Variants in B3GLCT observed in about 807,000 individuals in gnomAD.
The protein encoded by B3GLCT is beta-1,3-glucosyltransferase.
A neutral mutation model predicts 63.4 loss-of-function variants in B3GLCT; 65 were observed. The observed-to-expected ratio is 1.03, with a 90% CI of 0.84 to 1.26. The LOEUF is 1.26. Ranked by LOEUF, B3GLCT falls within the 50% of genes most tolerant of loss-of-function variation. B3GLCT has a pLI of 0.00. For synonymous variants in B3GLCT, 233 were observed against 219.2 expected (o/e 1.06, Z -0.55); for missense variants, 577 against 604.8 (o/e 0.95, Z 0.48).
At chr13:31,223,264 G>A (rs1328530667) in intron 3 of B3GLCT, among the ~76,000 whole-genome samples, 2 of 152,184 alleles carry the variant, frequency 1.3e-5, no homozygotes, top group South Asian at 2.1e-4. Flanking sequence ...CTTCCAGTAA[G>A]GATAAAGCAC....
At chr13:31,311,900 A>G (rs1310746982) in intron 12 of B3GLCT, among the ~76,000 whole-genome samples, 1 of 152,242 alleles carries the variant, frequency 6.6e-6, no homozygotes, top group East Asian at 1.9e-4. Context: ...CTTAATATAT[A>G]ATTTTATAGA....
Position 31,274,320 on chromosome 13 carries a change from T to A in B3GLCT, c.661-189T>A, listed in dbSNP as rs150447744. 5.7e-4 allele frequency among the ~76,000 whole-genome samples: 87 copies of A among 152,348 alleles called. 2 individuals carry two copies. In the East Asian group the frequency reaches 0.012, roughly 20 times the overall value. On this transcript the variant is annotated intron_variant, in intron 8 of 14. Coordinates refer to ENST00000343307, the MANE Select transcript of B3GLCT (RefSeq NM_194318.4). ...TTAATTGCTTATTGTTAGTAATAGA[T>A]TACATTTATTCACATGGAATTGTCA... is the stretch of plus-strand genomic sequence containing the variant.
intron 4 of B3GLCT, 72 bp from the exon 5 acceptor site, chr13:31,246,951 C>CTTTTTTTTTTTTTTTTTTTTTTTTT (rs66466340): frequency 3.8e-6 from 3 of 779,668 alleles, no homozygotes; most frequent in African/African-American, 2.0e-5. Context: ...CTTTTCTTTT[C>CTTTTTTTTTTTTTTTTTTTTTTTTT]TTTTTTTTTT....
chr13:31,277,528 T>C (rs1872856317), intron 10 of B3GLCT, among the ~76,000 whole-genome samples: 1 of 152,260 alleles, frequency 6.6e-6, no homozygotes, highest in African/African-American at 2.4e-5. Context: ...TTAATTTTTT[T>C]CCCCATGAAA....
chr13:31,322,227 C>T (rs993358066), intron 13 of B3GLCT, among the ~76,000 whole-genome samples: 10 of 152,230 alleles, frequency 6.6e-5, no homozygotes, highest in African/African-American at 1.4e-4. Flanking sequence ...GCAATGTCCT[C>T]GGAAGAGGCC....
At chr13:31,281,193 G>A (rs565087011) in intron 10 of B3GLCT, among the ~76,000 whole-genome samples, 1 of 152,214 alleles carries the variant, frequency 6.6e-6, no homozygotes, top group South Asian at 2.1e-4. Flanking sequence ...TAATTAAAGA[G>A]GTTAAATTGC....
chr13:31,270,286 A>G (rs1872525586), intron 8 of B3GLCT, among the ~76,000 whole-genome samples: 1 of 152,252 alleles, frequency 6.6e-6, no homozygotes, highest in South Asian at 2.1e-4. Context: ...TCAGTCCAGC[A>G]GTGCTGATGG....
intron 2 of B3GLCT, 79 bp from the exon 3 acceptor site, chr13:31,222,873 A>G (rs928146403): frequency 1.1e-6 from 1 of 939,060 alleles, no homozygotes; most frequent in African/African-American, 1.6e-5. Context: ...CATACCATGC[A>G]CCATGCATGT....
intron 12 of B3GLCT, among the ~76,000 whole-genome samples, chr13:31,292,856 G>A (rs950398297): frequency 2.0e-5 from 3 of 151,932 alleles, no homozygotes; most frequent in African/African-American, 7.3e-5. Flanking sequence ...GCTAGCTTTT[G>A]ACTTTGTCTG....
chr13:31,313,082 C>T (rs1874806240), intron 12 of B3GLCT, among the ~76,000 whole-genome samples: 1 of 152,194 alleles, frequency 6.6e-6, no homozygotes, highest in South Asian at 2.1e-4. Flanking sequence ...AGTTTCTTTT[C>T]ATATATTAAA....
intron 4 of B3GLCT, among the ~76,000 whole-genome samples, chr13:31,236,549 C>T (rs1425255108): frequency 6.6e-6 from 1 of 152,104 alleles, no homozygotes; most frequent in African/African-American, 2.4e-5. Context: ...TTTAATTATA[C>T]GAAGGTCGGT....
intron 12 of B3GLCT, chr13:31,312,749 G>A (rs971544378): frequency 6.6e-6 from 1 of 152,148 alleles, no homozygotes; most frequent in African/African-American, 2.4e-5. Flanking sequence ...ATAAAACTGA[G>A]TTGGAAAAAT....
intron 2 of B3GLCT, 44 bp downstream of exon 2, chr13:31,215,144 C>A (rs369296164): frequency 2.7e-5 from 41 of 1,535,936 alleles, no homozygotes; most frequent in Non-Finnish European, 3.7e-5. Context: ...TTCTAAGATT[C>A]ATTTGTATTT....
At position 31,308,367 on chromosome 13, in the gene B3GLCT, A is replaced by AAACAAAAC. The variant is rs1874517475; in HGVS notation, c.1065-9197_1065-9196insCAAAACAA. 3.4e-5 allele frequency among the ~76,000 whole-genome samples: 5 copies of AAACAAAAC among 146,438 alleles called. No individual in the cohort carries two copies. In the South Asian group the frequency reaches 1.1e-3, roughly 33 times the overall value. ...AAAATTAAAAAAAAAAAAACAAAAAAAAAAGCTAGTCCCACATGGCTTACA... is the reference window on the plus strand; with the variant it reads ...AAAATTAAAAAAAAAAAAACAAAAAAAACAAAACAAAAGCTAGTCCCACATGGCTTACA... On this transcript the variant is annotated intron_variant, in intron 12 of 14. Transcript: ENST00000343307.
intron 7 of B3GLCT, among the ~76,000 whole-genome samples, chr13:31,265,434 G>A (rs1328934471): frequency 1.3e-5 from 2 of 152,060 alleles, no homozygotes; most frequent in Non-Finnish European, 2.9e-5. Context: ...TTGACTTTAC[G>A]GCCCACATTG....
chr13:31,211,053 C>T (rs960730052), intron 1 of B3GLCT, among the ~76,000 whole-genome samples: 8 of 152,110 alleles, frequency 5.3e-5, no homozygotes, highest in Admixed American at 2.0e-4. Context: ...ACGTTTGGTT[C>T]CTTGATGATT....
chr13:31,241,497 T>G (rs1870941775), intron 4 of B3GLCT, among the ~76,000 whole-genome samples: 1 of 152,090 alleles, frequency 6.6e-6, no homozygotes, highest in Non-Finnish European at 1.5e-5. Flanking sequence ...TGTAGGTCAC[T>G]GTAGACTGTG....
Position 31,250,222 on chromosome 13 carries a change from G to A in B3GLCT, c.459+2256G>A, listed in dbSNP as rs544208409. Among the ~76,000 whole-genome samples, 21 of 152,148 alleles carry A rather than the reference G, an allele frequency of 1.4e-4. No homozygotes were observed. The South Asian group carries it at 3.5e-3, about 26-fold the overall frequency. On this transcript the variant is annotated intron_variant, in intron 6 of 14. Coordinates refer to ENST00000343307, the MANE Select transcript of B3GLCT (RefSeq NM_194318.4). The stretch of plus-strand genomic sequence containing the variant: ...AGAGTCTCGTTCTGTCACCCAGGCC[G>A]GAGTGCAGTGGTGCAGTCTTGGCTC...
intron 6 of B3GLCT, among the ~76,000 whole-genome samples, chr13:31,254,159 C>T (rs1871594417): frequency 6.6e-6 from 1 of 152,174 alleles, no homozygotes; most frequent in Admixed American, 6.5e-5. Flanking sequence ...AAGAGGGAAT[C>T]CTCCCTAACT....
Sources: gnomAD v4.1 joint callset for allele counts (sites outside exome capture counted in the v4.1 genomes callset) on GRCh38, gnomAD v4.1.1 for gene constraint, MANE v1.5 for transcripts, NCBI Gene and HGNC (gene_info 2026-07-23, HGNC 2026-07-21) for gene names.